Variants in TSPAN18 observed in about 807,000 individuals in gnomAD.
TSPAN18 encodes tetraspanin 18, also known as tetraspanin-18.
A neutral mutation model predicts 27.3 loss-of-function variants in TSPAN18; 14 were observed. That is an observed-to-expected ratio of 0.51 (90% CI 0.34 to 0.80). The LOEUF is 0.80. Among genes scored for constraint, TSPAN18 ranks in the 30% least tolerant of loss-of-function variants. The probability of loss-of-function intolerance (pLI) is 0.01; values close to 1 mark genes in which losing one functional copy is unlikely to be tolerated. For synonymous variants in TSPAN18, 143 were observed against 136.5 expected, an observed-to-expected ratio of 1.05 and a Z score of -0.33; for missense variants, 268 against 323.9, an observed-to-expected ratio of 0.83 and a Z score of 1.32.
At chr11:44,855,519 A>AT (rs1205124512) in intron 2 of TSPAN18, among the ~76,000 whole-genome samples, 26 of 151,564 alleles carry the variant, frequency 1.7e-4, no homozygotes, top group Non-Finnish European at 3.4e-4. Context: ...AAATGGCTTT[A>AT]TTTTTTTTTC....
At chr11:44,808,147 T>G (rs1213921151) in intron 2 of TSPAN18, among the ~76,000 whole-genome samples, 9 of 152,204 alleles carry the variant, frequency 5.9e-5, no homozygotes, top group Non-Finnish European at 1.2e-4. Context: ...CACATGAATA[T>G]TCATTGTTTC....
In TSPAN18 at chr11:44,808,267, G is replaced by A. The variant is rs533091830; in HGVS notation, c.-153+43755G>A. 5.9e-5 allele frequency among the ~76,000 whole-genome samples: 9 copies of A among 152,324 alleles called. 1 individual carries two copies. Among genetic ancestry groups the A allele is most frequent in the African/African-American group, 2.2e-4 (9 of 41,568 alleles). On this transcript the variant is annotated intron_variant, in intron 2 of 9. Transcript: ENST00000520358. ...CAAGGTCACACAGCTAGAAGAGGTG[G>A]TGCGAGGATTGGAAACCTCTACCAT...
At chr11:44,894,686 T>C (rs1050869576) in intron 3 of TSPAN18, among the ~76,000 whole-genome samples, 7 of 152,214 alleles carry the variant, frequency 4.6e-5, no homozygotes, top group Non-Finnish European at 4.4e-5. Context: ...TGTGCCTTTC[T>C]GGGCCTCAGG....
chr11:44,881,359 G>T (rs543743055), intron 3 of TSPAN18, among the ~76,000 whole-genome samples: 4 of 152,062 alleles, frequency 2.6e-5, no homozygotes, highest in Non-Finnish European at 5.9e-5. Context: ...CTCAGCCGCC[G>T]CCCCTGAACA....
intron 2 of TSPAN18, among the ~76,000 whole-genome samples, chr11:44,802,593 G>A (rs982465525): frequency 3.6e-5 from 5 of 138,038 alleles, no homozygotes; most frequent in Admixed American, 7.1e-5. Flanking sequence ...ATGGGAGTGG[G>A]GGGCTGGGAA....
chr11:44,744,080 CTG>C (rs1424914610), intron 1 of TSPAN18, among the ~76,000 whole-genome samples: 3 of 152,146 alleles, frequency 2.0e-5, no homozygotes, highest in Non-Finnish European at 4.4e-5. Context: ...GCAAAATGCA[CTG>C]TGAGTTTTTC....
intron 5 of TSPAN18, among the ~76,000 whole-genome samples, chr11:44,915,230 C>G (rs976455918): frequency 1.3e-5 from 2 of 152,282 alleles, no homozygotes; most frequent in East Asian, 1.9e-4. Flanking sequence ...CATAGAGGAC[C>G]CATGTAATGG....
Position 44,931,330 on chromosome 11 carries a change from A to G in TSPAN18, c.*2152A>G, listed in dbSNP as rs775347933. 3 of 183,158 alleles carry G rather than the reference A, an allele frequency of 1.6e-5. No homozygotes were observed. Among genetic ancestry groups the G allele is most frequent in the African/African-American group, 2.4e-5 (1 of 42,072 alleles). 11.3% of individuals were successfully genotyped at this position (183,158 alleles called of 1,614,324 possible). A position where few individuals can be genotyped will look rare whatever the true frequency, so the allele number is the denominator to read the frequency against. On this transcript the variant is annotated 3_prime_UTR_variant, in exon 10 of 10. Transcript: ENST00000520358. ...GCTGGTCTGAGGATGACACACAAAA[A>G]CAAAAACAAAAAACAAAAAACCCAT...
intron 2 of TSPAN18, among the ~76,000 whole-genome samples, chr11:44,833,940 C>T (rs1404385434): frequency 6.6e-6 from 1 of 151,566 alleles, no homozygotes; most frequent in African/African-American, 2.4e-5. Context: ...CCAAAGAGAG[C>T]CTGCTGGGCA....
chr11:44,857,630 G>A (rs961301224), intron 2 of TSPAN18, among the ~76,000 whole-genome samples: 6 of 152,170 alleles, frequency 3.9e-5, no homozygotes, highest in Non-Finnish European at 8.8e-5. Context: ...GACAGGTGAC[G>A]TGGGCCAGGC....
chr11:44,763,730 A>G (rs1855503754), intron 1 of TSPAN18, among the ~76,000 whole-genome samples: 1 of 152,164 alleles, frequency 6.6e-6, no homozygotes, highest in South Asian at 2.1e-4. Flanking sequence ...ATGCCATCAC[A>G]TGGATATATA....
intron 4 of TSPAN18, among the ~76,000 whole-genome samples, chr11:44,908,798 A>AAGGAAGGAAG (rs1859581872): frequency 1.7e-5 from 2 of 116,550 alleles, no homozygotes; most frequent in African/African-American, 7.1e-5. Flanking sequence ...AAAGAAAGAA[A>AAGGAAGGAAG]GAAAGAAAGA....
At chr11:44,790,144 CGTGTGTGCATGTGT>C (rs57149954) in intron 2 of TSPAN18, among the ~76,000 whole-genome samples, 10,530 of 138,256 alleles carry the variant, frequency 0.076, 1,078 homozygotes, top group East Asian at 0.45. Flanking sequence ...TTTCCACCCG[CGTGTGTGCATGTGT>C]GTGTGTGCAT....
chr11:44,907,185 C>T (rs1859485743), intron 4 of TSPAN18, among the ~76,000 whole-genome samples: 1 of 152,122 alleles, frequency 6.6e-6, no homozygotes, highest in African/African-American at 2.4e-5. Flanking sequence ...TGCTGGCGGC[C>T]CACCCACATG....
chr11:44,921,318 G>A (rs749374413), intron 8 of TSPAN18, among the ~76,000 whole-genome samples: 4 of 152,088 alleles, frequency 2.6e-5, no homozygotes, highest in African/African-American at 9.7e-5. Context: ...TGTTGCCTTC[G>A]CCAAGACACC....
At chr11:44,832,130 A>G (rs567663306) in intron 2 of TSPAN18, among the ~76,000 whole-genome samples, 10 of 152,232 alleles carry the variant, frequency 6.6e-5, no homozygotes, top group Non-Finnish European at 8.8e-5. Flanking sequence ...TTCCCTACCT[A>G]TGACCCAGGC....
At chr11:44,812,978 C>T (rs933119286) in intron 2 of TSPAN18, among the ~76,000 whole-genome samples, 8 of 152,240 alleles carry the variant, frequency 5.3e-5, no homozygotes, top group Non-Finnish European at 7.3e-5. Context: ...TGTCTGTGTG[C>T]GGCTCCCCGA....
chr11:44,803,011 A>G (rs955310464), intron 2 of TSPAN18, among the ~76,000 whole-genome samples: 3 of 152,114 alleles, frequency 2.0e-5, no homozygotes, highest in Non-Finnish European at 4.4e-5. Context: ...TTCACTCACT[A>G]CCCATTGATT....
At chr11:44,772,129 CT>C (rs1312676153) in intron 2 of TSPAN18, among the ~76,000 whole-genome samples, 1 of 152,182 alleles carries the variant, frequency 6.6e-6, no homozygotes, top group Non-Finnish European at 1.5e-5. Context: ...TGAGATCCAG[CT>C]ACATTGGGGA....
Sources: allele counts gnomAD v4.1 joint callset (sites outside exome capture counted in the v4.1 genomes callset), GRCh38; gene constraint gnomAD v4.1.1; transcripts MANE v1.5; gene names NCBI Gene and HGNC (gene_info 2026-07-23, HGNC 2026-07-21).